COL19A1: variants seen among roughly 807,000 people sequenced by gnomAD.
COL19A1 encodes the protein collagen type XIX alpha 1 chain.
In COL19A1, 159 loss-of-function variants were observed where a neutral mutation model predicts 190.2. The observed-to-expected ratio is 0.84, with a 90% CI of 0.73 to 0.95. COL19A1 has a LOEUF of 0.95. COL19A1 is among the 40% of genes least tolerant of loss of function. The probability of loss-of-function intolerance (pLI) is 0.00; values close to 1 mark genes in which losing one functional copy is unlikely to be tolerated. For synonymous variants in COL19A1, 509 were observed against 458.9 expected (o/e 1.11, Z -1.39); for missense variants, 1,418 against 1,431.9 (o/e 0.99, Z 0.16).
intron 19 of COL19A1, 105 bp downstream of exon 19, chr6:70,137,852 A>G: frequency 2.9e-6 from 3 of 1,040,372 alleles, no homozygotes; most frequent in South Asian, 2.8e-5. Context: ...TGATCCTGTC[A>G]TGGGAAACAA....
chr6:69,877,434 T>G lies in COL19A1; in HGVS notation c.-32-2102T>G, dbSNP rs192254424. 2.2e-3 allele frequency among the ~76,000 whole-genome samples: 335 copies of G among 152,292 alleles called. 1 individual carries two copies. The highest frequency in any genetic ancestry group is 7.5e-3 in the African/African-American group (313 of 41,564). ...ACATTAATATTAAATATGATGTCAA[T>G]GGCAGGCTCAGGTGAGGTAGGCGTT... On this transcript the variant is annotated intron_variant, in intron 1 of 50. Coordinates refer to ENST00000620364, the MANE Select transcript of COL19A1 (RefSeq NM_001858.6).
At chr6:70,049,992 A>T (rs975924960) in intron 14 of COL19A1, among the ~76,000 whole-genome samples, 20 of 152,126 alleles carry the variant, frequency 1.3e-4, no homozygotes, top group African/African-American at 3.9e-4. Flanking sequence ...ATTCCAATTA[A>T]CTGATTTTAA....
At chr6:70,075,594 C>A (rs529864431) in intron 15 of COL19A1, among the ~76,000 whole-genome samples, 30 of 152,292 alleles carry the variant, frequency 2.0e-4, no homozygotes, top group Admixed American at 8.5e-4. Flanking sequence ...TAATTAAAAT[C>A]AGATGAACAA....
chr6:70,181,183 G>A (rs1766153951), intron 44 of COL19A1, among the ~76,000 whole-genome samples: 1 of 152,220 alleles, frequency 6.6e-6, no homozygotes, highest in Non-Finnish European at 1.5e-5. Flanking sequence ...GAAGGTCACT[G>A]CTGATTTGTT....
chr6:70,167,960 A>G, intron 37 of COL19A1, 65 bp from the exon 38 acceptor site: 1 of 1,208,332 alleles, frequency 8.3e-7, no homozygotes. Flanking sequence ...TGGTAAAATG[A>G]TAAAATGTAG....
Position 70,050,157 on chromosome 6 carries a change from A to T in COL19A1, c.1170+14218A>T, listed in dbSNP as rs186649284. 7.2e-3 allele frequency among the ~76,000 whole-genome samples: 1,089 copies of T among 152,146 alleles called. 56 individuals are homozygous for T. Among genetic ancestry groups the T allele is most frequent in the Admixed American group, 0.065 (992 of 15,262 alleles). ...ATTGTATAGTGTTGTAGTGATGATTAAGTGAGTTAATATATGTAAAGATTT... is the reference window on the plus strand; with the variant it reads ...ATTGTATAGTGTTGTAGTGATGATTTAGTGAGTTAATATATGTAAAGATTT... On this transcript the variant is annotated intron_variant, in intron 14 of 50. Transcript: ENST00000620364.
chr6:70,102,080 A>G, intron 15 of COL19A1, 89 bp from the exon 16 acceptor site: 1 of 1,040,192 alleles, frequency 9.6e-7, no homozygotes, highest in South Asian at 1.3e-5. Context: ...GTTCATTTTT[A>G]CTGTCTTCAA....
At chr6:70,017,913 G>A (rs1198057668) in intron 11 of COL19A1, among the ~76,000 whole-genome samples, 1 of 152,138 alleles carries the variant, frequency 6.6e-6, no homozygotes, top group African/African-American at 2.4e-5. Context: ...GAACTGCAGA[G>A]TGAGTGGGAG....
At chr6:69,903,103 T>G (rs1247927871) in intron 4 of COL19A1, among the ~76,000 whole-genome samples, 1 of 152,234 alleles carries the variant, frequency 6.6e-6, no homozygotes, top group East Asian at 1.9e-4. Context: ...CTGCCCAGCA[T>G]CGGTTCAGAT....
intron 15 of COL19A1, among the ~76,000 whole-genome samples, chr6:70,097,045 C>T (rs1039617411): frequency 6.6e-6 from 1 of 152,164 alleles, no homozygotes; most frequent in African/African-American, 2.4e-5. Context: ...ACTTCATCAT[C>T]ATCATCCTCA....
intron 14 of COL19A1, among the ~76,000 whole-genome samples, chr6:70,055,970 G>A (rs1031051935): frequency 2.0e-5 from 3 of 151,120 alleles, no homozygotes; most frequent in African/African-American, 7.3e-5. Flanking sequence ...TTTTCTCATT[G>A]AGTTTCTTGT....
chr6:69,892,606 T>G (rs914034088), intron 2 of COL19A1, among the ~76,000 whole-genome samples: 3 of 152,210 alleles, frequency 2.0e-5, no homozygotes, highest in Non-Finnish European at 4.4e-5. Context: ...TAAGATCTTT[T>G]AAAGCTGAGC....
Position 69,896,507 on chromosome 6 carries a change from G to A in COL19A1, c.92-2441G>A, listed in dbSNP as rs1043356974. Among the ~76,000 whole-genome samples the A allele has an allele frequency of 1.1e-4, 14 of 130,984 alleles. No homozygotes were observed. In the East Asian group the frequency reaches 3.1e-3, roughly 29 times the overall value. The allele number at this position is 130,984 out of a possible 152,430, so 85.9% of individuals were successfully genotyped here. On this transcript the variant is annotated intron_variant, in intron 2 of 50. Transcript: ENST00000620364. ...AGCCGAGATTGCGCCACTGCAGTCC[G>A]CAGTCCGGCCTGGGCGACAGAGCGA...
rs576243083 is a variant in COL19A1, at chr6:70,052,030, G to A, written c.1170+16091G>A. Among the ~76,000 whole-genome samples, 16 of 151,810 alleles carry A rather than the reference G, an allele frequency of 1.1e-4. No individual in the cohort carries two copies. The South Asian group carries it at 2.3e-3, about 22-fold the overall frequency. On this transcript the variant is annotated intron_variant, in intron 14 of 50. Coordinates refer to ENST00000620364, the MANE Select transcript of COL19A1 (RefSeq NM_001858.6). ...GAAAGCCAGATGATTTGCTCCCTAC[G>A]TTTCTGAATTGGCCTTTCTGCTTGA...
chr6:70,005,726 G>A (rs910273928), intron 11 of COL19A1, among the ~76,000 whole-genome samples: 1 of 152,178 alleles, frequency 6.6e-6, no homozygotes, highest in African/African-American at 2.4e-5. Flanking sequence ...ACTTGTCTGG[G>A]CTGCCCAGAT....
intron 46 of COL19A1, among the ~76,000 whole-genome samples, chr6:70,187,344 A>G (rs1038279527): frequency 6.6e-6 from 1 of 152,216 alleles, no homozygotes; most frequent in Admixed American, 6.5e-5. Flanking sequence ...ACACACATGC[A>G]TACACGTGTA....
At chr6:70,098,219 G>A (rs1783403898) in intron 15 of COL19A1, among the ~76,000 whole-genome samples, 1 of 152,140 alleles carries the variant, frequency 6.6e-6, no homozygotes, top group South Asian at 2.1e-4. Context: ...TCTGATTTTA[G>A]TCCTAGGAAG....
chr6:70,130,093 A>G (rs1283132693), intron 17 of COL19A1, 89 bp from the exon 18 acceptor site: 9 of 1,422,622 alleles, frequency 6.3e-6, no homozygotes, highest in Admixed American at 6.0e-5. Context: ...TTACAGAACT[A>G]TTATCTGACT....
chr6:69,879,551 C>G lies in COL19A1; in HGVS notation c.-17C>G. 1 of 1,610,312 alleles carries G rather than the reference C, an allele frequency of 6.2e-7. No homozygotes were observed. Among genetic ancestry groups the G allele is most frequent in the Non-Finnish European group, 8.5e-7 (1 of 1,177,060 alleles). On this transcript the variant is annotated 5_prime_UTR_variant, in exon 2 of 51. Coordinates refer to ENST00000620364, the MANE Select transcript of COL19A1 (RefSeq NM_001858.6). ...TCTGTTGCAGATCCGTGGCCGTTCA[C>G]ATGGTTTCAAGGCACAATGAGACTC...
Sources: gnomAD v4.1 joint callset for allele counts (sites outside exome capture counted in the v4.1 genomes callset) on GRCh38, gnomAD v4.1.1 for gene constraint, MANE v1.5 for transcripts, NCBI Gene and HGNC (gene_info 2026-07-23, HGNC 2026-07-21) for gene names.